Variants in SYNJ2 observed in about 807,000 individuals in gnomAD.
The protein encoded by SYNJ2 is synaptojanin 2.
A neutral mutation model predicts 141.3 loss-of-function variants in SYNJ2; 116 were observed. The ratio of observed to expected loss-of-function variants is 0.82; its 90% CI spans 0.71 to 0.96. The LOEUF (loss-of-function observed/expected upper bound fraction) is 0.96. SYNJ2 is among the 40% of genes least tolerant of loss of function. The pLI, the probability that SYNJ2 is intolerant of heterozygous loss-of-function variation, is 0.00. For synonymous variants in SYNJ2, 745 were observed against 777.7 expected (o/e 0.96, Z 0.70); for missense variants, 1,873 against 1,934.8 (o/e 0.97, Z 0.60).
intron 1 of SYNJ2, among the ~76,000 whole-genome samples, chr6:157,990,307 C>T (rs944516341): frequency 3.6e-4 from 55 of 152,032 alleles, no homozygotes; most frequent in African/African-American, 1.3e-3. Context: ...CTGCATCCTG[C>T]ATTCCTGCCC....
At chr6:158,073,519 C>G (rs1429109166) in intron 15 of SYNJ2, among the ~76,000 whole-genome samples, 1 of 152,178 alleles carries the variant, frequency 6.6e-6, no homozygotes, top group Non-Finnish European at 1.5e-5. Flanking sequence ...CTGGTATTGT[C>G]TGATACCGTA....
intron 1 of SYNJ2, among the ~76,000 whole-genome samples, chr6:157,984,897 G>A (rs940747546): frequency 1.3e-5 from 2 of 152,118 alleles, no homozygotes; most frequent in Non-Finnish European, 2.9e-5. Context: ...AGTAATGAGA[G>A]GCTGAGAGAC....
intron 1 of SYNJ2, chr6:158,001,093 T>C (rs961409668): frequency 1.4e-5 from 2 of 143,572 alleles, no homozygotes; most frequent in African/African-American, 2.9e-5. Flanking sequence ...CCTGCACACC[T>C]GTCCGCGGTA....
chr6:158,026,610 G>A (rs1779061821), intron 2 of SYNJ2, among the ~76,000 whole-genome samples: 1 of 152,148 alleles, frequency 6.6e-6, no homozygotes, highest in Non-Finnish European at 1.5e-5. Flanking sequence ...GCCTCCCCCA[G>A]GCCGTGGTCC....
intron 2 of SYNJ2, among the ~76,000 whole-genome samples, chr6:158,025,993 A>ATACG (rs35262552): frequency 1.3e-5 from 2 of 151,600 alleles, no homozygotes; most frequent in African/African-American, 2.4e-5. Context: ...ACATACATAC[A>ATACG]TACGTACATA....
chr6:158,066,283 G>A (rs74607325), intron 11 of SYNJ2, among the ~76,000 whole-genome samples, 161 bp from the exon 12 acceptor site: 285 of 152,280 alleles, frequency 1.9e-3, no homozygotes, highest in African/African-American at 6.6e-3. Flanking sequence ...CGTGGTGACC[G>A]TGGTTTTAAG....
rs149349147 is a variant in SYNJ2, at chr6:158,059,305, C to T, written c.906C>T (p.Asn302=). 285 of 1,550,966 alleles carry T rather than the reference C, an allele frequency of 1.8e-4. 1 individual carries two copies. In the African/African-American group the frequency reaches 3.6e-3, roughly 19 times the overall value. Residue 302 remains asparagine (N), a synonymous_variant, in exon 7 of 27, where the codon AAC becomes AAT. Coordinates refer to ENST00000355585, the MANE Select transcript of SYNJ2 (RefSeq NM_003898.4). ...KEQYGQQVVV[N]LLGSRGGEEV... Reference sequence around the variant, plus strand: ...AGTACGGGCAGCAGGTGGTCGTGAACCTTCTGGGAAGCAGAGGCGGAGAGG... The same window carrying T: ...AGTACGGGCAGCAGGTGGTCGTGAATCTTCTGGGAAGCAGAGGCGGAGAGG...
intron 2 of SYNJ2, among the ~76,000 whole-genome samples, chr6:158,018,292 C>T (rs996753409): frequency 1.3e-5 from 2 of 152,182 alleles, no homozygotes; most frequent in South Asian, 4.1e-4. Flanking sequence ...TTCCTTCCTT[C>T]TCTCTCAGGG....
chr6:157,985,967 C>T (rs552232321), intron 1 of SYNJ2, among the ~76,000 whole-genome samples: 4 of 152,176 alleles, frequency 2.6e-5, no homozygotes, highest in African/African-American at 9.7e-5. Context: ...GGCCACGTCT[C>T]GAGTTTAGCT....
At chr6:158,086,073 G>C (rs961502017) in intron 22 of SYNJ2, among the ~76,000 whole-genome samples, 1 of 152,094 alleles carries the variant, frequency 6.6e-6, no homozygotes, top group Non-Finnish European at 1.5e-5. Flanking sequence ...GCATTGAGAG[G>C]GTCTTCCCTT....
intron 1 of SYNJ2, among the ~76,000 whole-genome samples, chr6:157,993,318 T>C (rs1407213200): frequency 6.6e-6 from 1 of 152,242 alleles, no homozygotes; most frequent in Non-Finnish European, 1.5e-5. Context: ...CTGTTTACCA[T>C]TTGTATTTCT....
At chr6:158,056,033 G>C (rs1780849659) in intron 6 of SYNJ2, among the ~76,000 whole-genome samples, 1 of 152,172 alleles carries the variant, frequency 6.6e-6, no homozygotes, top group Non-Finnish European at 1.5e-5. Context: ...TGAGCTTGGT[G>C]GCTCAGATTT....
chr6:157,982,130 G>T lies in SYNJ2; in HGVS notation c.127+42G>T, dbSNP rs1405114398. 1.6e-6 allele frequency: 2 copies of T among 1,284,544 alleles called. No individual in the cohort carries two copies. The highest frequency in any genetic ancestry group is 2.0e-6 in the Non-Finnish European group (2 of 1,014,870). 79.6% of individuals were successfully genotyped at this position (1,284,544 alleles called of 1,614,324 possible). A position where few individuals can be genotyped will look rare whatever the true frequency, so the allele number is the denominator to read the frequency against. The stretch of plus-strand genomic sequence containing the variant: ...GGCAGCGACGCCCGGAGGAGAGGGC[G>T]CCCGCATTCGCCCAGCCTCGGGAAG... On this transcript the variant is annotated intron_variant, in intron 1 of 26. Coordinates refer to ENST00000355585, the MANE Select transcript of SYNJ2 (RefSeq NM_003898.4). This position sits in a 1 kb window ranked among gnomAD's most constrained non-coding sequence, Gnocchi z 4.0.
intron 1 of SYNJ2, among the ~76,000 whole-genome samples, chr6:157,997,371 G>A (rs1178117014): frequency 1.3e-5 from 2 of 152,194 alleles, no homozygotes; most frequent in African/African-American, 4.8e-5. Flanking sequence ...AATCCAATGT[G>A]ACTGGCGTGC....
chr6:158,026,010 T>C (rs1177681627), intron 2 of SYNJ2, among the ~76,000 whole-genome samples: 1 of 152,124 alleles, frequency 6.6e-6, no homozygotes, highest in African/African-American at 2.4e-5. Context: ...CATACATACA[T>C]ACATACAGGG....
chr6:158,063,946 C>G (rs1407698882), intron 9 of SYNJ2, 74 bp downstream of exon 9: 40 of 1,509,162 alleles, frequency 2.7e-5, no homozygotes, highest in South Asian at 1.4e-4. Flanking sequence ...CTGGGCTGAG[C>G]ACCTTTAGCG....
In SYNJ2 at chr6:158,040,839, C is replaced by T. The variant is rs1779907134; in HGVS notation, c.712-2477C>T. ...GCTCAGTCTGGGGTCTAGGCACTGGCCTGGCCTCATCACAGCACTGGCACG... is the reference window on the plus strand; with the variant it reads ...GCTCAGTCTGGGGTCTAGGCACTGGTCTGGCCTCATCACAGCACTGGCACG... On this transcript the variant is annotated intron_variant, in intron 4 of 26. Transcript: ENST00000355585. The surrounding 1 kb of genome is among the most constrained non-coding windows in gnomAD (Gnocchi z 4.2). 6.6e-6 allele frequency among the ~76,000 whole-genome samples: 1 copy of T among 152,178 alleles called. No homozygotes were observed. Among genetic ancestry groups the T allele is most frequent in the Non-Finnish European group, 1.5e-5 (1 of 68,032 alleles).
chr6:158,065,587 C>A (rs564903146), intron 11 of SYNJ2, among the ~76,000 whole-genome samples: 145 of 152,278 alleles, frequency 9.5e-4, no homozygotes, highest in African/African-American at 3.3e-3. Context: ...TAGGGGAAAC[C>A]CAGCATTTTT....
intron 15 of SYNJ2, among the ~76,000 whole-genome samples, chr6:158,073,111 G>A (rs1782043015): frequency 6.6e-6 from 1 of 151,378 alleles, no homozygotes. Context: ...TAGTAAACTT[G>A]GGATACATAA....
Sources: allele counts gnomAD v4.1 joint callset (sites outside exome capture counted in the v4.1 genomes callset), GRCh38; gene constraint gnomAD v4.1.1; non-coding constraint Gnocchi (gnomAD v3.1); transcripts MANE v1.5; gene names NCBI Gene and HGNC (gene_info 2026-07-23, HGNC 2026-07-21).